The following PCDHGB1 variants were observed in gnomAD, a reference collection of about 807,000 sequenced individuals.
The protein encoded by PCDHGB1 is protocadherin gamma-B1.
In PCDHGB1, 34 loss-of-function variants were observed where a neutral mutation model predicts 56.6. The ratio of observed to expected loss-of-function variants is 0.60; its 90% confidence interval spans 0.46 to 0.80. The LOEUF (loss-of-function observed/expected upper bound fraction) is 0.80, where lower values mean the gene tolerates loss of function less well. Ranked by LOEUF, PCDHGB1 falls within the 30% of genes least tolerant of loss-of-function variation. The pLI is 0.00. For synonymous variants in PCDHGB1, 561 were observed against 505.9 expected, an observed-to-expected ratio of 1.11 and a Z score of -1.46; for missense variants, 1,278 against 1,204.6, an observed-to-expected ratio of 1.06 and a Z score of -0.90.
At chr5:141,392,722 A>G in intron 1 of PCDHGB1, 1 of 1,389,524 alleles carries the variant, frequency 7.2e-7, no homozygotes, top group African/African-American at 1.5e-5. Context: ...AGGTTTCCGG[A>G]GGATTGTCAT....
rs747671382 is a variant in PCDHGB1 at position 141,444,152 on chromosome 5, A to ATTTTTTTTTT, written c.2410-50628_2410-50619dup. 1.8e-4 allele frequency among the ~76,000 whole-genome samples: 6 copies of ATTTTTTTTTT among 33,898 alleles called. 2 individuals are homozygous for ATTTTTTTTTT. Among genetic ancestry groups the ATTTTTTTTTT allele is most frequent in the Non-Finnish European group, 3.1e-4 (6 of 19,312 alleles). The allele number at this position is 33,898 out of a possible 152,430, so 22.2% of individuals were successfully genotyped here. A position where few individuals can be genotyped will look rare whatever the true frequency, so the allele number is the denominator to read the frequency against. On this transcript the variant is annotated intron_variant, in intron 1 of 3. Coordinates refer to ENST00000523390, the MANE Select transcript of PCDHGB1 (RefSeq NM_018922.3). ...GATATGTGTCACTTGTGTGTACTGG[A>ATTTTTTTTTT]TTTTTTTTTTTTTTTTTTTTTTTTT...
intron 1 of PCDHGB1, chr5:141,372,153 C>T: frequency 6.2e-7 from 1 of 1,613,800 alleles, no homozygotes; most frequent in East Asian, 2.2e-5. Context: ...GCCTGGCTAC[C>T]TGGTGACCAA....
intron 1 of PCDHGB1, chr5:141,418,857 T>G (rs1378155402): frequency 6.2e-7 from 1 of 1,613,988 alleles, no homozygotes; most frequent in South Asian, 1.1e-5. Context: ...CGGTGTAAAG[T>G]AATTGTAGAA....
rs146235929 is a variant in PCDHGB1 at position 141,511,610 on chromosome 5, C to A, written c.*437C>A. On this transcript the variant is annotated 3_prime_UTR_variant, in exon 4 of 4. Transcript: ENST00000523390. ...GAAGTACCAAGTAACCTACAAGCCT[C>A]CTAGTTCTGAAAAGTTGGAAGGGCA... 1.0e-3 allele frequency: 247 copies of A among 237,682 alleles called. 1 individual carries two copies. The highest frequency in any genetic ancestry group is 5.2e-3 in the African/African-American group (235 of 45,400). The allele number at this position is 237,682 out of a possible 1,614,324, so 14.7% of individuals were successfully genotyped here. A position where few individuals can be genotyped will look rare whatever the true frequency, so the allele number is the denominator to read the frequency against.
chr5:141,405,540 C>A (rs2094682922), intron 1 of PCDHGB1: 1 of 641,202 alleles, frequency 1.6e-6, no homozygotes, highest in African/African-American at 1.8e-5. Context: ...CTGCCTCAGC[C>A]TCCCAAGTAG....
At chr5:141,413,931 A>T (rs776911095) in intron 1 of PCDHGB1, 1 of 1,613,254 alleles carries the variant, frequency 6.2e-7, no homozygotes, top group Non-Finnish European at 8.5e-7. Flanking sequence ...CAGAATACCG[A>T]GTGAGTGTTC....
chr5:141,476,267 G>T lies in PCDHGB1; in HGVS notation c.2410-18540G>T, dbSNP rs373758158. 15 of 1,614,056 alleles carry T rather than the reference G, an allele frequency of 9.3e-6. No homozygotes were observed. In the South Asian group the frequency reaches 1.6e-4, roughly 18 times the overall value. On this transcript the variant is annotated intron_variant, in intron 1 of 3. Transcript: ENST00000523390. This position sits in a 1 kb window ranked among gnomAD's most constrained non-coding sequence, Gnocchi z 7.6. ...GAAGGGTTTCGCTGTGGGCAACGTGGTCGCGAACCTTGGTTTGGATCTCGG... is the reference window on the plus strand; with the variant it reads ...GAAGGGTTTCGCTGTGGGCAACGTGTTCGCGAACCTTGGTTTGGATCTCGG...
chr5:141,399,002 C>A (rs1415503184), intron 1 of PCDHGB1: 2 of 1,613,830 alleles, frequency 1.2e-6, no homozygotes, highest in South Asian at 2.2e-5. Flanking sequence ...AGTCTGAATT[C>A]AAAGAGCGGA....
At position 141,375,364 on chromosome 5, in the gene PCDHGB1, A is replaced by C. The variant is rs771379372; in HGVS notation, c.2409+22695A>C. ...ACATCACTGTGACAGCCACGGACAAAGGAACACCACCTCTGTCTACAGAAA... is the reference window on the plus strand; with the variant it reads ...ACATCACTGTGACAGCCACGGACAACGGAACACCACCTCTGTCTACAGAAA... On this transcript the variant is annotated intron_variant, in intron 1 of 3. Coordinates refer to ENST00000523390, the MANE Select transcript of PCDHGB1 (RefSeq NM_018922.3). 6.2e-7 allele frequency: 1 copy of C among 1,613,904 alleles called. No homozygotes were observed. Among genetic ancestry groups the C allele is most frequent in the Non-Finnish European group, 8.5e-7 (1 of 1,179,968 alleles).
chr5:141,382,783 C>A, intron 1 of PCDHGB1: 1 of 871,086 alleles, frequency 1.1e-6, no homozygotes. Flanking sequence ...TAAACTCAAG[C>A]CTCTATCCTG....
Position 141,487,373 on chromosome 5 carries a change from C to T in PCDHGB1, c.2410-7434C>T. 2 of 1,614,224 alleles carry T rather than the reference C, an allele frequency of 1.2e-6. No homozygotes were observed. Among genetic ancestry groups the T allele is most frequent in the Non-Finnish European group, 1.7e-6 (2 of 1,180,042 alleles). On this transcript the variant is annotated intron_variant, in intron 1 of 3. Transcript: ENST00000523390. This position sits in a 1 kb window ranked among gnomAD's most constrained non-coding sequence, Gnocchi z 5.0. ...CTTTCCTGCTGGCACCTGTGCCTGTCTCACCAGATCTCGAAGGAGGGAGGG... is the reference window on the plus strand; with the variant it reads ...CTTTCCTGCTGGCACCTGTGCCTGTTTCACCAGATCTCGAAGGAGGGAGGG...
chr5:141,405,261 T>TC, intron 1 of PCDHGB1: 1 of 1,613,852 alleles, frequency 6.2e-7, no homozygotes. Context: ...CACCTGATCT[T>TC]CCCCCAGCCC....
intron 1 of PCDHGB1, chr5:141,418,303 G>T: frequency 6.2e-7 from 1 of 1,614,032 alleles, no homozygotes; most frequent in Middle Eastern, 1.6e-4. Flanking sequence ...CCGTCAGCCT[G>T]GGGATGGGAA....
chr5:141,416,859 G>A (rs1411419006), intron 1 of PCDHGB1: 1 of 151,936 alleles, frequency 6.6e-6, no homozygotes, highest in South Asian at 2.1e-4. Context: ...ATTTTTTTCA[G>A]GTCAGTCAAC....
intron 1 of PCDHGB1, chr5:141,441,162 G>T (rs1009205566): frequency 6.6e-6 from 1 of 152,166 alleles, no homozygotes; most frequent in African/African-American, 2.4e-5. Context: ...TCCTAGAGGC[G>T]ATTTTTACTT....
chr5:141,509,059 C>T (rs1313349089), intron 3 of PCDHGB1, among the ~76,000 whole-genome samples: 2 of 152,182 alleles, frequency 1.3e-5, no homozygotes, highest in Non-Finnish European at 2.9e-5. Flanking sequence ...CCAGAAAGCT[C>T]TCAGCTCCGG....
rs1399250599 is a variant in PCDHGB1, at chr5:141,476,902, C to A, written c.2410-17905C>A. On this transcript the variant is annotated intron_variant, in intron 1 of 3. Coordinates refer to ENST00000523390, the MANE Select transcript of PCDHGB1 (RefSeq NM_018922.3). The surrounding 1 kb of genome is among the most constrained non-coding windows in gnomAD (Gnocchi z 7.6). ...TGGAGGATGCACCCTCCGGCACGCG[C>A]GTGGTACAAGTCCTTGCAACGGATC... 5 of 1,613,880 alleles carry A rather than the reference C, an allele frequency of 3.1e-6. No individual in the cohort carries two copies. Among genetic ancestry groups the A allele is most frequent in the South Asian group, 1.1e-5 (1 of 91,090 alleles).
At position 141,486,813 on chromosome 5, in the gene PCDHGB1, G is replaced by A; in HGVS notation, c.2410-7994G>A. On this transcript the variant is annotated intron_variant, in intron 1 of 3. Transcript: ENST00000523390. The surrounding 1 kb of genome is among the most constrained non-coding windows in gnomAD (Gnocchi z 5.0). ...GATCGGGGCAACCCACCCCTTAGCA[G>A]CACTGTAACAGTTCGTCTATTTGTG... The A allele has an allele frequency of 6.2e-7, 1 of 1,614,212 alleles. No individual in the cohort carries two copies.
intron 1 of PCDHGB1, chr5:141,396,121 G>T: frequency 6.6e-6 from 1 of 152,188 alleles, no homozygotes. Context: ...AATGTTTCAG[G>T]TACACAAGTT....
Sources: gnomAD v4.1 joint callset for allele counts (sites outside exome capture counted in the v4.1 genomes callset) on GRCh38, gnomAD v4.1.1 for gene constraint, Gnocchi (gnomAD v3.1) non-coding constraint, MANE v1.5 for transcripts, NCBI Gene and HGNC (gene_info 2026-07-23, HGNC 2026-07-21) for gene names.